The following SATL1 variants were observed in gnomAD, a reference collection of about 807,000 sequenced individuals.
SATL1 encodes the protein spermidine/spermine N1-acetyl transferase like 1.
Under a neutral mutation model 51.8 loss-of-function variants are expected in SATL1, and 47 were observed. The ratio of observed to expected loss-of-function variants is 0.91; its 90% confidence interval spans 0.72 to 1.16. The LOEUF (loss-of-function observed/expected upper bound fraction) is 1.16. Ranked by LOEUF, SATL1 falls within the 50% of genes most tolerant of loss-of-function variation. The probability of loss-of-function intolerance (pLI) is 0.00; values close to 1 mark genes in which losing one functional copy is unlikely to be tolerated. For missense variants in SATL1, 520 were observed against 526.4 expected (o/e 0.99, Z 0.12); for synonymous variants, 176 against 182.4 (o/e 0.97, Z 0.28).
At chrX:85,219,029 A>G (rs1257558307) in intron 2 of SATL1, 1 of 112,060 alleles carries the variant, frequency 8.9e-6, no homozygotes, top group Non-Finnish European at 1.9e-5. Flanking sequence ...ATTACATTCG[A>G]TATTTTTCAC....
intron 1 of SATL1, among the ~76,000 whole-genome samples, chrX:85,227,711 A>G (rs931864825): frequency 8.9e-6 from 1 of 111,744 alleles, no homozygotes; most frequent in African/African-American, 3.2e-5. Context: ...AATGTAGATG[A>G]AAAGAGCATC....
intron 2 of SATL1, among the ~76,000 whole-genome samples, chrX:85,222,111 C>T (rs893557063): frequency 8.9e-6 from 1 of 111,802 alleles, no homozygotes; most frequent in South Asian, 3.8e-4. Flanking sequence ...TAATCTAGCA[C>T]AGTGGTTAAC....
At chrX:85,143,424 A>G (rs1926154505) in intron 2 of SATL1, 1 of 111,252 alleles carries the variant, frequency 9.0e-6, no homozygotes, top group Admixed American at 9.6e-5. Flanking sequence ...TCTTACTCTC[A>G]TGATGGTGGA....
At chrX:85,235,245 ACC>A (rs1412342991) in intron 1 of SATL1, among the ~76,000 whole-genome samples, 1 of 110,850 alleles carries the variant, frequency 9.0e-6, no homozygotes, top group Non-Finnish European at 1.9e-5. Context: ...AGAGAGATAC[ACC>A]CCAATAAAAT....
intron 2 of SATL1, among the ~76,000 whole-genome samples, chrX:85,132,269 G>A (rs1218649052): frequency 9.0e-5 from 10 of 111,632 alleles, no homozygotes; most frequent in Non-Finnish European, 1.7e-4. Flanking sequence ...CATTCTCCTC[G>A]TCACTTTCAG....
chrX:85,123,060 T>C (rs776366896), intron 2 of SATL1, among the ~76,000 whole-genome samples: 18 of 111,784 alleles, frequency 1.6e-4, no homozygotes, highest in Non-Finnish European at 3.2e-4. Context: ...CAGTCCACCA[T>C]TGATGGGCAT....
chrX:85,198,649 G>A (rs1264761292), intron 2 of SATL1, among the ~76,000 whole-genome samples: 1 of 110,053 alleles, frequency 9.1e-6, no homozygotes, highest in Non-Finnish European at 1.9e-5. Flanking sequence ...TATTTATGGG[G>A]CATCAAATGT....
At chrX:85,137,129 T>G (rs933024518) in intron 2 of SATL1, among the ~76,000 whole-genome samples, 2 of 110,391 alleles carry the variant, frequency 1.8e-5, no homozygotes, top group African/African-American at 6.6e-5. Flanking sequence ...TTCGTTAGGA[T>G]TGGGAAACAC....
chrX:85,190,845 T>A (rs757282668), intron 2 of SATL1, among the ~76,000 whole-genome samples: 18 of 109,776 alleles, frequency 1.6e-4, no homozygotes, highest in African/African-American at 5.3e-4. Flanking sequence ...GAAACCATCA[T>A]TCTCAGCAAA....
chrX:85,095,387 C>T (rs927991456), intron 4 of SATL1, among the ~76,000 whole-genome samples: 5 of 111,688 alleles, frequency 4.5e-5, no homozygotes, highest in African/African-American at 1.6e-4. Flanking sequence ...ACTGAGGTGA[C>T]GACTTGGAGG....
intron 1 of SATL1, among the ~76,000 whole-genome samples, chrX:85,236,224 T>G (rs67720357): frequency 0.13 from 14,255 of 110,545 alleles, 706 homozygotes; most frequent in South Asian, 0.17. Context: ...CCTGGGACCC[T>G]ATGGCTTCAC....
chrX:85,238,821 C>G (rs1928529648), intron 1 of SATL1, among the ~76,000 whole-genome samples: 1 of 110,968 alleles, frequency 9.0e-6, no homozygotes, highest in African/African-American at 3.3e-5. Context: ...AAACTATCTC[C>G]TGTATCCCAC....
chrX:85,199,362 C>T (rs1462917387), intron 2 of SATL1, among the ~76,000 whole-genome samples: 1 of 111,534 alleles, frequency 9.0e-6, no homozygotes, highest in African/African-American at 3.3e-5. Context: ...CTACGGAGAA[C>T]GCTTTGGAAG....
intron 2 of SATL1, among the ~76,000 whole-genome samples, chrX:85,131,721 T>C (rs1221366521): frequency 1.2e-4 from 13 of 111,770 alleles, no homozygotes. Flanking sequence ...TGCCCATTAG[T>C]TGATGCAGTT....
intron 2 of SATL1, among the ~76,000 whole-genome samples, chrX:85,166,386 G>A (rs1465907075): frequency 9.0e-6 from 1 of 111,494 alleles, no homozygotes; most frequent in Non-Finnish European, 1.9e-5. Flanking sequence ...TCCAACAAAG[G>A]ACTAATATCC....
chrX:85,096,073 A>G (rs1453866960), intron 4 of SATL1, among the ~76,000 whole-genome samples: 8 of 111,483 alleles, frequency 7.2e-5, no homozygotes, highest in African/African-American at 2.6e-4. Flanking sequence ...CATTAACAAA[A>G]AACATAGCTG....
chrX:85,147,948 C>A (rs994897884), intron 2 of SATL1, among the ~76,000 whole-genome samples: 1 of 112,108 alleles, frequency 8.9e-6, no homozygotes, highest in African/African-American at 3.2e-5. Context: ...CAGATCCTCA[C>A]CAGCAATGGA....
intron 2 of SATL1, among the ~76,000 whole-genome samples, chrX:85,196,440 ATTT>A (rs967736977): frequency 4.5e-5 from 5 of 111,521 alleles, no homozygotes; most frequent in Non-Finnish European, 9.4e-5. Flanking sequence ...TCCCCACTGC[ATTT>A]TTTTGCAGTA....
rs1924584500 is a variant in SATL1 at position 85,093,253 on chromosome X, A to G, written c.1877-28T>C. ...TTTAAATAGACAATGCAAAGTGAAA[A>G]CTGCAAATTTCACTTAACTTGTTAT... On this transcript the variant is annotated intron_variant, in intron 6 of 7. Coordinates refer to ENST00000644105, the MANE Select transcript of SATL1 (RefSeq NM_001367857.2). 3 of 1,142,203 alleles carry G rather than the reference A, an allele frequency of 2.6e-6. No individual in the cohort carries two copies. The East Asian group carries it at 9.8e-5, about 37-fold the overall frequency. The allele number at this position is 1,142,203 out of a possible 1,213,427, so 94.1% of individuals were successfully genotyped here.
Sources: allele counts gnomAD v4.1 joint callset (sites outside exome capture counted in the v4.1 genomes callset), GRCh38; gene constraint gnomAD v4.1.1; transcripts MANE v1.5; gene names NCBI Gene and HGNC (gene_info 2026-07-23, HGNC 2026-07-21).